The following NRXN1 variants were observed in gnomAD, a reference collection of about 807,000 sequenced individuals.
NRXN1 encodes the protein neurexin-1.
A neutral mutation model predicts 150.9 loss-of-function variants in NRXN1; 39 were observed. That is an observed-to-expected ratio of 0.26 (90% CI 0.20 to 0.34). The LOEUF (loss-of-function observed/expected upper bound fraction) is 0.34, where lower values mean the gene tolerates loss of function less well. Among genes scored for constraint, NRXN1 ranks in the 10% least tolerant of loss-of-function variants. The probability of loss-of-function intolerance (pLI) is 1.00; values close to 1 mark genes in which losing one functional copy is unlikely to be tolerated. For missense variants in NRXN1, 1,815 were observed against 1,949.9 expected, an observed-to-expected ratio of 0.93 and a Z score of 1.30; for synonymous variants, 924 against 757.0, an observed-to-expected ratio of 1.22 and a Z score of -3.62.
At chr2:50,985,155 C>G (rs1697492570) in intron 2 of NRXN1, among the ~76,000 whole-genome samples, 1 of 151,670 alleles carries the variant, frequency 6.6e-6, no homozygotes, top group South Asian at 2.1e-4. Context: ...TGTAGATTAC[C>G]ACAGACTAAA....
At chr2:50,364,885 T>C (rs1438186257) in intron 17 of NRXN1, among the ~76,000 whole-genome samples, 2 of 152,010 alleles carry the variant, frequency 1.3e-5, no homozygotes, top group African/African-American at 4.8e-5. Context: ...TTTTTCAATT[T>C]ACATAAACAG....
At chr2:50,124,244 T>C (rs1037589435) in intron 18 of NRXN1, among the ~76,000 whole-genome samples, 14 of 152,176 alleles carry the variant, frequency 9.2e-5, no homozygotes, top group African/African-American at 3.4e-4. Flanking sequence ...TTGACATTGA[T>C]GGTTACTGTT....
intron 10 of NRXN1, among the ~76,000 whole-genome samples, chr2:50,535,443 A>G (rs552042116): frequency 6.6e-6 from 1 of 152,246 alleles, no homozygotes; most frequent in Non-Finnish European, 1.5e-5. Flanking sequence ...ATTGTGATCA[A>G]CGATGAAAAT....
chr2:50,156,251 C>T (rs566765999), intron 18 of NRXN1, among the ~76,000 whole-genome samples: 31 of 151,868 alleles, frequency 2.0e-4, no homozygotes, highest in African/African-American at 7.5e-4. Flanking sequence ...GTAAAGGGAT[C>T]TCTCTCTAGG....
chr2:50,467,504 T>C (rs575063488), intron 16 of NRXN1, among the ~76,000 whole-genome samples: 2 of 151,696 alleles, frequency 1.3e-5, no homozygotes, highest in East Asian at 3.9e-4. Flanking sequence ...AATAGATGAT[T>C]TTGAAAATGG....
At chr2:50,608,535 G>T (rs897118411) in intron 8 of NRXN1, among the ~76,000 whole-genome samples, 1 of 116,458 alleles carries the variant, frequency 8.6e-6, no homozygotes, top group African/African-American at 2.9e-5. Context: ...TTAGTTACAT[G>T]TCCTTGTTTA....
chr2:50,823,164 T>C (rs9753040), intron 5 of NRXN1, among the ~76,000 whole-genome samples: 58,447 of 152,046 alleles, frequency 0.38, 12,362 homozygotes, highest in Non-Finnish European at 0.5. Flanking sequence ...CTTCAAAAGA[T>C]AGGCCAAAAC....
chr2:50,705,074 A>C (rs1694248018), intron 5 of NRXN1, among the ~76,000 whole-genome samples: 1 of 151,380 alleles, frequency 6.6e-6, no homozygotes, highest in South Asian at 2.1e-4. Flanking sequence ...ACACACACAC[A>C]CACCCATCCC....
chr2:50,274,168 C>T (rs1200216215), intron 17 of NRXN1, among the ~76,000 whole-genome samples: 1 of 152,062 alleles, frequency 6.6e-6, no homozygotes, highest in African/African-American at 2.4e-5. Flanking sequence ...AGATGTGGCA[C>T]ATATACACCA....
chr2:50,832,185 A>G (rs2105891719), intron 5 of NRXN1, among the ~76,000 whole-genome samples: 1 of 152,296 alleles, frequency 6.6e-6, no homozygotes, highest in African/African-American at 2.4e-5. Flanking sequence ...AATGGAAAAG[A>G]GGGATGGGCA....
intron 18 of NRXN1, among the ~76,000 whole-genome samples, chr2:50,224,693 A>AAGAG (rs201700032): frequency 0.053 from 6,841 of 130,128 alleles, 185 homozygotes; most frequent in Middle Eastern, 0.08. Flanking sequence ...GAGAGGGAGA[A>AAGAG]AGAGAGAGAG....
intron 18 of NRXN1, among the ~76,000 whole-genome samples, chr2:50,156,891 T>C (rs1351867276): frequency 6.6e-6 from 1 of 151,942 alleles, no homozygotes; most frequent in Admixed American, 6.6e-5. Context: ...TATAAGAAAA[T>C]GTCCTTTTGG....
chr2:50,346,756 C>T lies in NRXN1; in HGVS notation c.3365-109786G>A. 1 of 1,613,954 alleles carries T rather than the reference C, an allele frequency of 6.2e-7. No individual in the cohort carries two copies. The highest frequency in any genetic ancestry group is 8.5e-7 in the Non-Finnish European group (1 of 1,179,984). ...AATAGGCACTGAATGATGCTTGCTG[C>T]TGCCATGGAAATGGTGGATGTGGTG... On this transcript the variant is annotated intron_variant, in intron 17 of 22. Coordinates refer to ENST00000401669, the MANE Select transcript of NRXN1 (RefSeq NM_001330078.2). This position sits in a 1 kb window ranked among gnomAD's most constrained non-coding sequence, Gnocchi z 5.0.
At chr2:50,554,981 T>C (rs903651237) in intron 8 of NRXN1, among the ~76,000 whole-genome samples, 1 of 152,196 alleles carries the variant, frequency 6.6e-6, no homozygotes, top group African/African-American at 2.4e-5. Flanking sequence ...GAGAAAGATC[T>C]ATTAAGTCTT....
chr2:50,274,411 G>A (rs1053696406), intron 17 of NRXN1, among the ~76,000 whole-genome samples: 4 of 152,090 alleles, frequency 2.6e-5, no homozygotes, highest in African/African-American at 4.8e-5. Context: ...GGGGGGCTAC[G>A]GGAGGGATAG....
chr2:50,623,171 A>G (rs1573838927), intron 6 of NRXN1, 143 bp downstream of exon 6: 36 of 637,230 alleles, frequency 5.6e-5, no homozygotes. Context: ...GTATGGCAGG[A>G]AGATTCATCT....
In NRXN1 at chr2:50,263,116, T is replaced by C. The variant is rs145411702; in HGVS notation, c.3365-26146A>G. ...TTTAAAGCACTAATTGGAGACTACA[T>C]GGCAAGGTGATGATCATTTTTACCA... On this transcript the variant is annotated intron_variant, in intron 17 of 22. Transcript: ENST00000401669. Among the ~76,000 whole-genome samples, 133 of 151,620 alleles carry C rather than the reference T, an allele frequency of 8.8e-4. 1 individual carries two copies. Among genetic ancestry groups the C allele is most frequent in the African/African-American group, 3.1e-3 (129 of 41,394 alleles).
chr2:50,270,668 A>T (rs2069475676), intron 17 of NRXN1, among the ~76,000 whole-genome samples: 1 of 129,668 alleles, frequency 7.7e-6, no homozygotes, highest in Non-Finnish European at 1.6e-5. Context: ...ATGCATATAG[A>T]TATAGTTTTT....
intron 17 of NRXN1, among the ~76,000 whole-genome samples, chr2:50,287,040 T>C (rs886499990): frequency 3.9e-5 from 6 of 152,098 alleles, no homozygotes; most frequent in Admixed American, 2.6e-4. Flanking sequence ...TTTAATATTG[T>C]AAACATCATG....
Sources: gnomAD v4.1 joint callset for allele counts (sites outside exome capture counted in the v4.1 genomes callset) on GRCh38, gnomAD v4.1.1 for gene constraint, Gnocchi (gnomAD v3.1) non-coding constraint, MANE v1.5 for transcripts, NCBI Gene and HGNC (gene_info 2026-07-23, HGNC 2026-07-21) for gene names.